The following ERI1 variants were observed in gnomAD, a reference collection of about 807,000 sequenced individuals.
The protein encoded by ERI1 is 3'-5' exoribonuclease 1.
ERI1 carries 39 observed loss-of-function variants against 39.7 expected under a neutral mutation model. That is an observed-to-expected ratio of 0.98 (90% confidence interval 0.76 to 1.28). The LOEUF (loss-of-function observed/expected upper bound fraction) is 1.28, where lower values mean the gene tolerates loss of function less well. Among genes scored for constraint, ERI1 ranks in the 50% most tolerant of loss-of-function variants. The pLI, the probability that ERI1 is intolerant of heterozygous loss-of-function variation, is 0.00. For missense variants in ERI1, 581 were observed against 416.9 expected, an observed-to-expected ratio of 1.39 and a Z score of -3.43; for synonymous variants, 204 against 149.6, an observed-to-expected ratio of 1.36 and a Z score of -2.65.
intron 3 of ERI1, among the ~76,000 whole-genome samples, chr8:9,067,079 A>G (rs1056069517): frequency 2.0e-5 from 3 of 152,132 alleles, no homozygotes; most frequent in Non-Finnish European, 4.4e-5. Flanking sequence ...TCATTGCCCT[A>G]CCTATTTCTA....
chr8:9,022,195 C>T (rs914952715), intron 6 of ERI1, among the ~76,000 whole-genome samples: 3 of 152,018 alleles, frequency 2.0e-5, no homozygotes, highest in Non-Finnish European at 4.4e-5. Flanking sequence ...GTAAATCTGA[C>T]GGGTGTGTGA....
chr8:9,040,861 C>A (rs1360438971), intron 3 of ERI1, among the ~76,000 whole-genome samples: 1 of 152,046 alleles, frequency 6.6e-6, no homozygotes, highest in Non-Finnish European at 1.5e-5. Context: ...TGTCAAGAAG[C>A]CTCTCCATCA....
chr8:9,022,421 G>T (rs1270277485), intron 6 of ERI1, among the ~76,000 whole-genome samples: 2 of 152,124 alleles, frequency 1.3e-5, no homozygotes, highest in African/African-American at 4.8e-5. Context: ...TTGTCTTTGA[G>T]ATGAAGTCTC....
intron 3 of ERI1, among the ~76,000 whole-genome samples, chr8:9,086,797 T>C (rs7008486): frequency 0.087 from 13,291 of 152,226 alleles, 1,831 homozygotes; most frequent in African/African-American, 0.29. Flanking sequence ...AACATACATA[T>C]TGGCTTGGAT....
chr8:9,015,971 T>A, intron 3 of ERI1, among the ~76,000 whole-genome samples: 1 of 152,312 alleles, frequency 6.6e-6, no homozygotes, highest in Non-Finnish European at 1.5e-5. Flanking sequence ...GAATTTATTA[T>A]TTTTAAAACT....
intron 3 of ERI1, among the ~76,000 whole-genome samples, chr8:9,039,362 GC>G (rs577524718): frequency 1.0e-3 from 158 of 152,212 alleles, no homozygotes; most frequent in African/African-American, 3.6e-3. Flanking sequence ...ATGAAATCAA[GC>G]AAAATATCCA....
In ERI1 at chr8:9,040,443, G is replaced by T. The variant is rs74633456; in HGVS notation, n.299+19979G>T. On this transcript the variant is annotated intron_variant and non_coding_transcript_variant, in intron 3 of 3. Transcript: ENST00000518663. The stretch of plus-strand genomic sequence containing the variant: ...ACGCCTTGGGGCAGCAGTGCCAAGT[G>T]AGCTGGGAAGGTGAGTGGTGTCTTT... Among the ~76,000 whole-genome samples, 1,374 of 152,328 alleles carry T rather than the reference G, an allele frequency of 9.0e-3. 23 individuals carry two copies. The highest frequency in any genetic ancestry group is 0.032 in the African/African-American group (1,311 of 41,564).
At chr8:9,067,471 A>G (rs1798916546) in intron 3 of ERI1, among the ~76,000 whole-genome samples, 1 of 151,812 alleles carries the variant, frequency 6.6e-6, no homozygotes, top group Non-Finnish European at 1.5e-5. Flanking sequence ...CCTGGGCAAC[A>G]TAGAGAAACC....
chr8:9,072,190 G>A (rs113986190), intron 3 of ERI1, among the ~76,000 whole-genome samples: 37 of 152,238 alleles, frequency 2.4e-4, no homozygotes, highest in African/African-American at 8.7e-4. Context: ...CTTTCCTTTT[G>A]GGTGATCAGT....
intron 3 of ERI1, among the ~76,000 whole-genome samples, chr8:9,068,892 C>T (rs917123145): frequency 1.3e-5 from 2 of 152,140 alleles, no homozygotes; most frequent in Admixed American, 1.3e-4. Flanking sequence ...TCATGGCTGA[C>T]TGCAGCGTTG....
At chr8:9,087,553 G>A (rs1191783580) in intron 3 of ERI1, among the ~76,000 whole-genome samples, 1 of 151,598 alleles carries the variant, frequency 6.6e-6, no homozygotes, top group African/African-American at 2.4e-5. Flanking sequence ...ACTGCACCCT[G>A]CCCTTATTTT....
chr8:9,010,282 C>A (rs1017800204), intron 2 of ERI1, among the ~76,000 whole-genome samples: 1 of 152,074 alleles, frequency 6.6e-6, no homozygotes, highest in Non-Finnish European at 1.5e-5. Context: ...GTAGTCTCTC[C>A]CCCTATCACA....
chr8:9,077,205 C>T (rs1191830611), intron 3 of ERI1, among the ~76,000 whole-genome samples: 3 of 152,180 alleles, frequency 2.0e-5, no homozygotes, highest in Non-Finnish European at 2.9e-5. Flanking sequence ...TTCTCATGTT[C>T]TCCAGTTCTT....
downstream of ERI1, among the ~76,000 whole-genome samples, chr8:9,037,482 A>G (rs1021993556): frequency 6.7e-6 from 1 of 149,590 alleles, no homozygotes; most frequent in Non-Finnish European, 1.5e-5. Flanking sequence ...AGAGATTCAT[A>G]TGTACTGTAT....
Position 9,029,934 on chromosome 8 carries a change from G to A in ERI1, c.950G>A (p.Arg317Gln), listed in dbSNP as rs1421906941. The A allele has an allele frequency of 6.8e-6, 11 of 1,613,954 alleles. No homozygotes were observed. The highest frequency in any genetic ancestry group is 2.2e-5 in the South Asian group (2 of 91,082). The change falls in exon 7 of 7, where the codon CGA becomes CAA. Residue 317 changes from arginine (R) to glutamine (Q), a missense_variant. Physicochemically the swap from Arg to Gln is conservative, Grantham distance 43. Coordinates refer to ENST00000250263, the MANE Select transcript of ERI1 (RefSeq NM_153332.4). ...ATGCTTCAGGATGGGTGTGAACTCC[G>A]AATCAACGAGAAAATGCATGCAGGA... The part of the protein sequence containing the change: ...VRMLQDGCEL[R>Q]INEKMHAGQL...
chr8:9,095,491 G>GTTGTTTGTTTGTTTGT (rs79253861), intron 3 of ERI1, among the ~76,000 whole-genome samples: 1 of 149,540 alleles, frequency 6.7e-6, no homozygotes, highest in African/African-American at 2.5e-5. Context: ...TTTTGTTGTT[G>GTTGTTTGTTTGTTTGT]TTGTTTGTTT....
chr8:9,024,452 A>C (rs1249025864), intron 6 of ERI1, among the ~76,000 whole-genome samples: 1 of 150,146 alleles, frequency 6.7e-6, no homozygotes, highest in Non-Finnish European at 1.5e-5. Flanking sequence ...ACGGAATCTC[A>C]CTCTGTCATC....
intron 6 of ERI1, among the ~76,000 whole-genome samples, chr8:9,022,638 G>A (rs1818037298): frequency 6.6e-6 from 1 of 152,166 alleles, no homozygotes; most frequent in South Asian, 2.1e-4. Context: ...GGACTCAAAT[G>A]ATCTGCCCGC....
intron 3 of ERI1, among the ~76,000 whole-genome samples, chr8:9,089,935 C>T (rs1358642962): frequency 6.6e-6 from 1 of 151,800 alleles, no homozygotes; most frequent in Non-Finnish European, 1.5e-5. Flanking sequence ...TGAAATTATC[C>T]AAGAGAACGG....
Sources: allele counts gnomAD v4.1 joint callset (sites outside exome capture counted in the v4.1 genomes callset), GRCh38; gene constraint gnomAD v4.1.1; transcripts MANE v1.5; gene names NCBI Gene and HGNC (gene_info 2026-07-23, HGNC 2026-07-21).